Variants in GARIN1A observed in about 807,000 individuals in gnomAD.
GARIN1A encodes the protein golgi associated RAB2 interactor 1A.
the GARIN1A span, chr7:128,672,333 T>C: frequency 7.2e-7 from 1 of 1,394,096 alleles, no homozygotes; most frequent in East Asian, 2.4e-5. Context: ...ATCAACATCC[T>C]GGCATTGGGC....
At chr7:128,709,019 T>G in the GARIN1A span, 1 of 152,232 alleles carries the variant, frequency 6.6e-6, no homozygotes, top group Non-Finnish European at 1.5e-5. Context: ...TATGCCATTT[T>G]CAGGTCATAG....
chr7:128,681,455 CCCCT>C, the GARIN1A span, among the ~76,000 whole-genome samples: 1 of 104,004 alleles, frequency 9.6e-6, no homozygotes, highest in Non-Finnish European at 2.0e-5. Context: ...CCTCTCCCCT[CCCCT>C]CCCCTCCCCT....
chr7:128,694,096 G>C, the GARIN1A span, among the ~76,000 whole-genome samples: 7 of 152,324 alleles, frequency 4.6e-5, no homozygotes, highest in South Asian at 1.4e-3. Context: ...CGTGGTGCCT[G>C]TTTTCAAGGA....
chr7:128,672,274 G>C, the GARIN1A span: 3 of 765,232 alleles, frequency 3.9e-6, no homozygotes, highest in South Asian at 5.9e-5. Flanking sequence ...CTGGTGGACA[G>C]CCCGTAAGTA....
the GARIN1A span, among the ~76,000 whole-genome samples, chr7:128,707,747 C>A: frequency 7.0e-4 from 106 of 152,278 alleles, no homozygotes; most frequent in African/African-American, 2.5e-3. Context: ...GCACCCTGCC[C>A]GGCCAAATAT....
chr7:128,699,384 G>A, the GARIN1A span, among the ~76,000 whole-genome samples: 1 of 151,054 alleles, frequency 6.6e-6, no homozygotes, highest in Admixed American at 6.6e-5. Context: ...ACCTTCTAAG[G>A]TCACTCTTTC....
chr7:128,682,069 C>T, the GARIN1A span, among the ~76,000 whole-genome samples: 1 of 152,090 alleles, frequency 6.6e-6, no homozygotes, highest in African/African-American at 2.4e-5. Context: ...TTTGACCAGC[C>T]ATTGGAGAGG....
At chr7:128,692,196 C>G in the GARIN1A span, among the ~76,000 whole-genome samples, 1 of 152,164 alleles carries the variant, frequency 6.6e-6, no homozygotes, top group Non-Finnish European at 1.5e-5. Flanking sequence ...GTTCTGTGCC[C>G]AGAAACATGG....
chr7:128,672,935 AGAAACAGCCTTGTTT>A, the GARIN1A span, among the ~76,000 whole-genome samples: 1 of 152,206 alleles, frequency 6.6e-6, no homozygotes, highest in Non-Finnish European at 1.5e-5. Context: ...GGGATGGTTT[AGAAACAGCCTTGTTT>A]GAAAGCAAAG....
At chr7:128,691,927 G>A in the GARIN1A span, among the ~76,000 whole-genome samples, 7 of 152,278 alleles carry the variant, frequency 4.6e-5, no homozygotes, top group South Asian at 2.1e-4. Flanking sequence ...ATTGTGTAAC[G>A]TGAGCAGGAA....
the GARIN1A span, among the ~76,000 whole-genome samples, chr7:128,707,026 G>GT: frequency 0.29 from 42,900 of 148,448 alleles, 6,416 homozygotes; most frequent in Middle Eastern, 0.43. Context: ...TCTCCTAAAA[G>GT]TTTTTTTTTT....
At chr7:128,707,882 C>T in the GARIN1A span, among the ~76,000 whole-genome samples, 3 of 151,446 alleles carry the variant, frequency 2.0e-5, no homozygotes, top group Non-Finnish European at 2.9e-5. Context: ...TCTTTTCCTT[C>T]CTTCCTTCCT....
At chr7:128,695,525 C>T in the GARIN1A span, among the ~76,000 whole-genome samples, 1 of 152,230 alleles carries the variant, frequency 6.6e-6, no homozygotes, top group Admixed American at 6.5e-5. The surrounding 1 kb of genome is among the most constrained non-coding windows in gnomAD (Gnocchi z 4.5). Flanking sequence ...TCCACCTGAA[C>T]ATTTTTAAAT....
the GARIN1A span, among the ~76,000 whole-genome samples, chr7:128,708,504 T>C: frequency 2.0e-5 from 3 of 152,148 alleles, no homozygotes; most frequent in South Asian, 4.2e-4. Flanking sequence ...CTGTGACTGA[T>C]AGGGGATTTC....
At chr7:128,707,216 ATGTATG>A in the GARIN1A span, among the ~76,000 whole-genome samples, 7 of 47,428 alleles carry the variant, frequency 1.5e-4, no homozygotes, top group South Asian at 1.1e-3. Flanking sequence ...TATTGTGTGT[ATGTATG>A]TGTGTGTGTG....
chr7:128,677,950 C>T, the GARIN1A span: 1 of 689,684 alleles, frequency 1.4e-6, no homozygotes. Context: ...AATTTCTATT[C>T]AGTAGTATGA....
the GARIN1A span, among the ~76,000 whole-genome samples, chr7:128,673,972 C>T: frequency 6.6e-6 from 1 of 152,214 alleles, no homozygotes; most frequent in Non-Finnish European, 1.5e-5. Flanking sequence ...AGGCTCACTG[C>T]AACCTCTGCC....
At chr7:128,672,648 G>A in the GARIN1A span, 21 of 709,132 alleles carry the variant, frequency 3.0e-5, no homozygotes, top group South Asian at 2.1e-5. Flanking sequence ...AGCCCTGGGG[G>A]AGGGGGGGGC....
At chr7:128,682,553 G>T in the GARIN1A span, among the ~76,000 whole-genome samples, 1 of 152,072 alleles carries the variant, frequency 6.6e-6, no homozygotes, top group Non-Finnish European at 1.5e-5. Context: ...CTGGAAAAAG[G>T]CATGATTAGA....
Sources: allele counts gnomAD v4.1 joint callset (sites outside exome capture counted in the v4.1 genomes callset), GRCh38; gene constraint gnomAD v4.1.1; non-coding constraint Gnocchi (gnomAD v3.1); transcripts MANE v1.5; gene names NCBI Gene and HGNC (gene_info 2026-07-23, HGNC 2026-07-21).